The following MAP3K4 variants were observed in gnomAD, a reference collection of about 807,000 sequenced individuals.
MAP3K4 encodes mitogen-activated protein kinase kinase kinase 4.
In MAP3K4, 67 loss-of-function variants were observed where a neutral mutation model predicts 185.6. That is an observed-to-expected ratio of 0.36 (90% confidence interval 0.30 to 0.44). The LOEUF is 0.44. Among genes scored for constraint, MAP3K4 ranks in the 20% least tolerant of loss-of-function variants. The pLI is 1.00. For synonymous variants in MAP3K4, 702 were observed against 710.4 expected, an observed-to-expected ratio of 0.99 and a Z score of 0.19; for missense variants, 1,551 against 1,995.1, an observed-to-expected ratio of 0.78 and a Z score of 4.24.
rs1315340462 is a variant in MAP3K4, at chr6:161,048,603, T to A, written c.344-13T>A. The A allele has an allele frequency of 7.8e-6, 12 of 1,529,572 alleles. No homozygotes were observed. Among genetic ancestry groups the A allele is most frequent in the Admixed American group, 2.2e-5 (1 of 45,836 alleles). The allele number at this position is 1,529,572 out of a possible 1,614,324, so 94.8% of individuals were successfully genotyped here. On this transcript the variant is annotated splice_polypyrimidine_tract_variant and intron_variant, in intron 2 of 26. Coordinates refer to ENST00000392142, the MANE Select transcript of MAP3K4 (RefSeq NM_005922.4). This position sits in a 1 kb window ranked among gnomAD's most constrained non-coding sequence, Gnocchi z 4.7. The stretch of plus-strand genomic sequence containing the variant: ...GAGTTATATAATGTTCTGTTTATTT[T>A]TTTTTTTAATAGAAAAAATGAATGC...
At chr6:161,062,184 T>G (rs913318496) in intron 3 of MAP3K4, among the ~76,000 whole-genome samples, 5 of 152,236 alleles carry the variant, frequency 3.3e-5, no homozygotes, top group Non-Finnish European at 5.9e-5. Flanking sequence ...GTTCCCAACT[T>G]TGAGCTATAT....
chr6:161,000,605 T>C (rs1781220477), intron 1 of MAP3K4, among the ~76,000 whole-genome samples: 2 of 152,186 alleles, frequency 1.3e-5, no homozygotes, highest in South Asian at 4.1e-4. Flanking sequence ...TTTGTTGATC[T>C]TTCTCTGAAA....
intron 2 of MAP3K4, among the ~76,000 whole-genome samples, chr6:161,044,649 A>G (rs1182131746): frequency 6.6e-6 from 1 of 152,178 alleles, no homozygotes; most frequent in Non-Finnish European, 1.5e-5. Context: ...GTGTCAGTCC[A>G]TTTTGCGTTG....
At position 161,037,137 on chromosome 6, in the gene MAP3K4, C is replaced by T. The variant is rs899606454; in HGVS notation, c.343+2688C>T. Among the ~76,000 whole-genome samples the T allele has an allele frequency of 3.9e-5, 6 of 152,154 alleles. No individual in the cohort carries two copies. Among genetic ancestry groups the T allele is most frequent in the South Asian group, 2.1e-4 (1 of 4,826 alleles). ...ATACCAAGACAAGGTGGAAATGGGACGCCAGTGGTAGACAAGTGGGCCATT... is the reference window on the plus strand; with the variant it reads ...ATACCAAGACAAGGTGGAAATGGGATGCCAGTGGTAGACAAGTGGGCCATT... On this transcript the variant is annotated intron_variant, in intron 2 of 26. Coordinates refer to ENST00000392142, the MANE Select transcript of MAP3K4 (RefSeq NM_005922.4). This position sits in a 1 kb window ranked among gnomAD's most constrained non-coding sequence, Gnocchi z 4.2.
rs995589397 is a variant in MAP3K4 at position 161,087,143 on chromosome 6, C to T, written c.2556+476C>T. Among the ~76,000 whole-genome samples, 2 of 152,170 alleles carry T rather than the reference C, an allele frequency of 1.3e-5. No individual in the cohort carries two copies. Among genetic ancestry groups the T allele is most frequent in the Non-Finnish European group, 2.9e-5 (2 of 68,036 alleles). The stretch of plus-strand genomic sequence containing the variant: ...TTAGAATCCGTATGTGATGTCATCA[C>T]TGGACATTTTATCCCAAGCCCACAG... On this transcript the variant is annotated intron_variant, in intron 9 of 26. Transcript: ENST00000392142. The surrounding 1 kb of genome is among the most constrained non-coding windows in gnomAD (Gnocchi z 4.9).
Position 161,098,669 on chromosome 6 carries a change from CTT to C in MAP3K4, c.3674+244_3674+245del, listed in dbSNP as rs1462865155. 1.3e-5 allele frequency among the ~76,000 whole-genome samples: 2 copies of C among 152,168 alleles called. No homozygotes were observed. Among genetic ancestry groups the C allele is most frequent in the Non-Finnish European group, 2.9e-5 (2 of 68,044 alleles). On this transcript the variant is annotated intron_variant, in intron 17 of 26. Coordinates refer to ENST00000392142, the MANE Select transcript of MAP3K4 (RefSeq NM_005922.4). This position sits in a 1 kb window ranked among gnomAD's most constrained non-coding sequence, Gnocchi z 4.4. ...TGATATTAGCCAAAATGACTAAAGA[CTT>C]TGCGAAGAATAACTTGATGGAGTAT...
chr6:161,031,120 A>G (rs1782908357), intron 1 of MAP3K4, among the ~76,000 whole-genome samples: 2 of 152,206 alleles, frequency 1.3e-5, no homozygotes. Flanking sequence ...GAATAATTAG[A>G]TAATTTAGAA....
intron 3 of MAP3K4, among the ~76,000 whole-genome samples, chr6:161,066,068 C>T (rs530407546): frequency 3.5e-4 from 53 of 151,996 alleles, no homozygotes; most frequent in Middle Eastern, 3.4e-3. Flanking sequence ...ATTAGGGATG[C>T]GCAACCTATA....
chr6:161,043,596 A>G lies in MAP3K4; in HGVS notation c.344-5020A>G, dbSNP rs1259555462. Among the ~76,000 whole-genome samples, 2 of 152,198 alleles carry G rather than the reference A, an allele frequency of 1.3e-5. No individual in the cohort carries two copies. The highest frequency in any genetic ancestry group is 1.3e-4 in the Admixed American group (2 of 15,284). ...TCTTCATCATCATGTTGTTACGAAA[A>G]TTATGACAATGTCTGTGAAGCCCTT... On this transcript the variant is annotated intron_variant, in intron 2 of 26. Transcript: ENST00000392142. This position sits in a 1 kb window ranked among gnomAD's most constrained non-coding sequence, Gnocchi z 4.3.
intron 1 of MAP3K4, among the ~76,000 whole-genome samples, chr6:161,012,813 G>T (rs1781910532): frequency 6.6e-6 from 1 of 151,998 alleles, no homozygotes; most frequent in Non-Finnish European, 1.5e-5. Context: ...GGGGTGGGAG[G>T]AGGTCCTTTA....
intron 1 of MAP3K4, 45 bp downstream of exon 1, chr6:160,992,128 G>T (rs1337398453): frequency 1.3e-6 from 2 of 1,485,906 alleles, no homozygotes; most frequent in African/African-American, 2.9e-5. Context: ...AAGCGGGGCG[G>T]GTCCTGGCCC....
At chr6:160,992,422 C>T (rs1397071205) in intron 1 of MAP3K4, 3 of 380,528 alleles carry the variant, frequency 7.9e-6, no homozygotes, top group Non-Finnish European at 4.7e-6. Context: ...GAAGAGTGGC[C>T]TCACTGAAGT....
intron 1 of MAP3K4, among the ~76,000 whole-genome samples, chr6:161,002,436 AAGTG>A (rs914652175): frequency 2.6e-5 from 4 of 152,272 alleles, no homozygotes; most frequent in African/African-American, 9.6e-5. Context: ...TGCCTGAGAA[AAGTG>A]AGTGAAATCT....
At chr6:161,089,222 G>T in intron 10 of MAP3K4, 100 bp from the exon 11 acceptor site, 2 of 1,300,484 alleles carry the variant, frequency 1.5e-6, no homozygotes, top group Non-Finnish European at 1.1e-6. Context: ...TGTTGGCCTG[G>T]TATCCCTGAG....
Position 161,108,701 on chromosome 6 carries a change from T to C in MAP3K4, c.4120-42T>C, listed in dbSNP as rs773122218. 2.5e-5 allele frequency: 28 copies of C among 1,129,054 alleles called. No individual in the cohort carries two copies. Among genetic ancestry groups the C allele is most frequent in the Non-Finnish European group, 3.7e-5 (27 of 737,292 alleles). The allele number at this position is 1,129,054 out of a possible 1,614,324, so 69.9% of individuals were successfully genotyped here. ...AGTGTATGTGTATAATGTAGAGTGA[T>C]TAAATCAAGCCAGTTAACATTTTTG... On this transcript the variant is annotated intron_variant, in intron 21 of 26. Transcript: ENST00000392142. The surrounding 1 kb of genome is among the most constrained non-coding windows in gnomAD (Gnocchi z 5.7).
At chr6:161,026,280 G>A (rs548535189) in intron 1 of MAP3K4, among the ~76,000 whole-genome samples, 12 of 145,122 alleles carry the variant, frequency 8.3e-5, no homozygotes, top group South Asian at 2.3e-4. Context: ...ACAGGTGCCC[G>A]CCACCACGCG....
intron 13 of MAP3K4, 50 bp downstream of exon 13, chr6:161,092,193 T>C: frequency 1.9e-6 from 3 of 1,602,350 alleles, no homozygotes; most frequent in African/African-American, 2.7e-5. Flanking sequence ...GGCTTGGTGG[T>C]ATTTGTTCAT....
Position 161,017,078 on chromosome 6 carries a change from C to T in MAP3K4, c.153-17181C>T. On this transcript the variant is annotated intron_variant, in intron 1 of 26. Transcript: ENST00000392142. The surrounding 1 kb of genome is among the most constrained non-coding windows in gnomAD (Gnocchi z 5.1). The stretch of plus-strand genomic sequence containing the variant: ...AATGCTTTACTAAAGGTCTTGTGTG[C>T]ACTGAAAAAAGAATTTTAGAAGCGA... 6.6e-6 allele frequency among the ~76,000 whole-genome samples: 1 copy of T among 151,642 alleles called. No individual in the cohort carries two copies. The highest frequency in any genetic ancestry group is 1.9e-4 in the East Asian group (1 of 5,188).
At chr6:161,095,313 A>G (rs1032807672) in intron 15 of MAP3K4, among the ~76,000 whole-genome samples, 6 of 152,214 alleles carry the variant, frequency 3.9e-5, no homozygotes, top group Non-Finnish European at 7.3e-5. Flanking sequence ...AATGAGGATT[A>G]AATAAGTAAT....
Sources: allele counts gnomAD v4.1 joint callset (sites outside exome capture counted in the v4.1 genomes callset), GRCh38; gene constraint gnomAD v4.1.1; non-coding constraint Gnocchi (gnomAD v3.1); transcripts MANE v1.5; gene names NCBI Gene and HGNC (gene_info 2026-07-23, HGNC 2026-07-21).